DENND2C: variants seen among roughly 807,000 people sequenced by gnomAD.
The protein encoded by DENND2C is DENN domain containing 2C, also known as DENN domain-containing protein 2C.
A neutral mutation model predicts 112.4 loss-of-function variants in DENND2C; 72 were observed. The ratio of observed to expected loss-of-function variants is 0.64; its 90% confidence interval spans 0.53 to 0.78. The LOEUF is 0.78. Among genes scored for constraint, DENND2C ranks in the 30% least tolerant of loss-of-function variants. DENND2C has a pLI of 0.00. For synonymous variants in DENND2C, 329 were observed against 381.6 expected (o/e 0.86, Z 1.61); for missense variants, 992 against 1,113.8 (o/e 0.89, Z 1.56).
At chr1:114,591,411 T>C (rs575951942) in intron 18 of DENND2C, among the ~76,000 whole-genome samples, 1 of 152,360 alleles carries the variant, frequency 6.6e-6, no homozygotes, top group South Asian at 2.1e-4. Flanking sequence ...TTCTTCTTCT[T>C]TGAATGTTTG....
In DENND2C at chr1:114,625,746, C is replaced by T. The variant is rs1656322154; in HGVS notation, c.239G>A (p.Gly80Asp). Reference protein sequence around the residue: ...NLDVTSRENVGLDINENTKSH... With the variant: ...NLDVTSRENVDLDINENTKSH... ...TTTGGTATTTTCATTTATATCTAGA[C>T]CCACATTTTCACGGCTGGTTACATC... is the stretch of plus-strand genomic sequence containing the variant. Residue 80 changes from glycine to aspartate, a missense_variant, in exon 4 of 21, where the codon GGT becomes GAT. This residue lies in a region of DENND2C where 470 missense variants were observed against 472.7 expected (regional missense o/e 0.99). Transcript: ENST00000393274. The T allele has an allele frequency of 2.5e-6, 4 of 1,613,938 alleles. No individual in the cohort carries two copies. The highest frequency in any genetic ancestry group is 1.1e-5 in the South Asian group (1 of 91,080).
In DENND2C at chr1:114,617,657, C is replaced by CAA. The variant is rs34802002; in HGVS notation, c.1324+727_1324+728dup. Reference sequence around the variant, plus strand: ...AAGTTGAGTACCACATACCTTCAGTCAAAAAAAAAAAACCAGATAAATCAA... The same window carrying CAA: ...AAGTTGAGTACCACATACCTTCAGTCAAAAAAAAAAAAAACCAGATAAATCAA... On this transcript the variant is annotated intron_variant, in intron 8 of 20. Coordinates refer to ENST00000393274, the MANE Select transcript of DENND2C (RefSeq NM_001256404.2). 2.8e-3 allele frequency among the ~76,000 whole-genome samples: 330 copies of CAA among 118,684 alleles called. 2 individuals carry two copies. Among genetic ancestry groups the CAA allele is most frequent in the South Asian group, 3.8e-3 (14 of 3,726 alleles). The allele number at this position is 118,684 out of a possible 152,430, so 77.9% of individuals were successfully genotyped here. A position where few individuals can be genotyped will look rare whatever the true frequency, so the allele number is the denominator to read the frequency against.
At chr1:114,604,781 G>A in intron 11 of DENND2C, 141 bp downstream of exon 11, 1 of 616,172 alleles carries the variant, frequency 1.6e-6, no homozygotes, top group Non-Finnish European at 2.8e-6. Flanking sequence ...TTCTAGTTCT[G>A]CTTCTTCCTT....
Position 114,625,578 on chromosome 1 carries a change from G to A in DENND2C, c.407C>T (p.Thr136Ile). 3.7e-6 allele frequency: 6 copies of A among 1,614,102 alleles called. No homozygotes were observed. In the South Asian group the frequency reaches 5.5e-5, roughly 15 times the overall value. Residue 136 changes from threonine to isoleucine, a missense_variant, in exon 4 of 21, where the codon ACT (threonine) becomes ATT (isoleucine). This residue lies in a region of DENND2C where 470 missense variants were observed against 472.7 expected (regional missense o/e 0.99). Coordinates refer to ENST00000393274, the MANE Select transcript of DENND2C (RefSeq NM_001256404.2). The stretch of plus-strand genomic sequence containing the variant: ...ATAGAAGTTTCCTGGAGGTAATGAA[G>A]TCTCTGGATCTAAGACATCTTCTTT... ...SCKEDVLDPETSLPPGNFYTS... is the reference protein window; with the variant it reads ...SCKEDVLDPEISLPPGNFYTS...
intron 2 of DENND2C, among the ~76,000 whole-genome samples, chr1:114,649,996 T>C (rs1266205073): frequency 2.0e-5 from 3 of 152,118 alleles, no homozygotes; most frequent in Non-Finnish European, 4.4e-5. Context: ...CATAATTGTA[T>C]CCTGCTTTTT....
At chr1:114,617,441 G>A (rs1656003533) in intron 8 of DENND2C, among the ~76,000 whole-genome samples, 2 of 152,076 alleles carry the variant, frequency 1.3e-5, no homozygotes, top group Admixed American at 1.3e-4. Context: ...CTCCTGAGTA[G>A]CTGGGATTAT....
In DENND2C at chr1:114,623,646, T is replaced by TA; in HGVS notation, c.807-4dup. ...TATCCTCAAATTCAAAGGATTTCCT[T>TA]AAAAAAGGAGATATATTTTAAAGTT... On this transcript the variant is annotated splice_polypyrimidine_tract_variant and splice_region_variant and intron_variant, in intron 4 of 20. Transcript: ENST00000393274. 6.3e-7 allele frequency: 1 copy of TA among 1,582,936 alleles called. No individual in the cohort carries two copies. The highest frequency in any genetic ancestry group is 1.2e-5 in the South Asian group (1 of 85,014).
At position 114,608,983 on chromosome 1, in the gene DENND2C, TG is replaced by T. The variant is rs1455842622; in HGVS notation, c.1370-111del. ...TAATCTTCACACAGTCACTGCTGAA[TG>T]AATGTTGAATAACCAGCATCTGCCA... On this transcript the variant is annotated intron_variant, in intron 9 of 20. Transcript: ENST00000393274. 11 of 1,175,446 alleles carry T rather than the reference TG, an allele frequency of 9.4e-6. No individual in the cohort carries two copies. In the African/African-American group the frequency reaches 1.7e-4, roughly 18 times the overall value. 72.8% of individuals were successfully genotyped at this position (1,175,446 alleles called of 1,614,324 possible). A position where few individuals can be genotyped will look rare whatever the true frequency, so the allele number is the denominator to read the frequency against.
At chr1:114,645,858 G>C (rs938688444) in intron 2 of DENND2C, among the ~76,000 whole-genome samples, 1 of 151,976 alleles carries the variant, frequency 6.6e-6, no homozygotes, top group African/African-American at 2.4e-5. Context: ...GCAACATTAA[G>C]TAATAATTGA....
chr1:114,612,667 G>A (rs1307514788), intron 8 of DENND2C, among the ~76,000 whole-genome samples: 1 of 152,034 alleles, frequency 6.6e-6, no homozygotes, highest in African/African-American at 2.4e-5. Flanking sequence ...TTACAGGCGT[G>A]TGCCGCCACA....
intron 4 of DENND2C, 46 bp downstream of exon 4, chr1:114,625,133 G>A (rs1443388890): frequency 2.0e-6 from 3 of 1,515,634 alleles, no homozygotes; most frequent in Admixed American, 2.3e-5. Context: ...CAATAATCCT[G>A]TAAGGAAAAT....
rs369531968 is a variant in DENND2C at position 114,611,716 on chromosome 1, G to C, written c.1325-599C>G. 3.9e-4 allele frequency among the ~76,000 whole-genome samples: 59 copies of C among 151,702 alleles called. No homozygotes were observed. In the East Asian group the frequency reaches 4.4e-3, roughly 11 times the overall value. Reference sequence around the variant, plus strand: ...CCCCAATCCGATTTTAAGTATTTTGGGGACAAGGGGCTATCTTGTTTTCCC... The same window carrying C: ...CCCCAATCCGATTTTAAGTATTTTGCGGACAAGGGGCTATCTTGTTTTCCC... On this transcript the variant is annotated intron_variant, in intron 8 of 20. Coordinates refer to ENST00000393274, the MANE Select transcript of DENND2C (RefSeq NM_001256404.2).
intron 1 of DENND2C, among the ~76,000 whole-genome samples, chr1:114,666,643 T>G (rs1267263761): frequency 2.6e-5 from 4 of 151,996 alleles, no homozygotes; most frequent in Non-Finnish European, 5.9e-5. Flanking sequence ...TTAGTAGAGA[T>G]GGGGTTTCGC....
chr1:114,646,383 G>A (rs1656989707), intron 2 of DENND2C, among the ~76,000 whole-genome samples: 1 of 152,060 alleles, frequency 6.6e-6, no homozygotes, highest in African/African-American at 2.4e-5. Context: ...TTTAAGTTTT[G>A]CAACTTTAAA....
At chr1:114,610,470 G>A (rs186724752) in intron 9 of DENND2C, among the ~76,000 whole-genome samples, 1 of 136,814 alleles carries the variant, frequency 7.3e-6, no homozygotes, top group Non-Finnish European at 1.6e-5. Context: ...GGAGGCCAAG[G>A]CAGGCAGATC....
chr1:114,592,938 T>C (rs899727380), intron 18 of DENND2C, among the ~76,000 whole-genome samples: 7 of 152,182 alleles, frequency 4.6e-5, no homozygotes, highest in African/African-American at 1.7e-4. Context: ...TACTCTTCTT[T>C]TCATGAAGTA....
intron 1 of DENND2C, among the ~76,000 whole-genome samples, chr1:114,656,618 G>A (rs1657336535): frequency 1.3e-5 from 2 of 151,574 alleles, no homozygotes; most frequent in African/African-American, 2.4e-5. Flanking sequence ...GGATGGTCTC[G>A]ATCTCCTGAC....
chr1:114,601,726 A>T, intron 12 of DENND2C, 141 bp from the exon 13 acceptor site: 1 of 720,324 alleles, frequency 1.4e-6, no homozygotes, highest in Non-Finnish European at 2.2e-6. Flanking sequence ...ACACTGAAAG[A>T]TGTGAAAAGT....
intron 3 of DENND2C, among the ~76,000 whole-genome samples, chr1:114,636,959 C>T (rs1341416103): frequency 6.6e-6 from 1 of 151,500 alleles, no homozygotes; most frequent in Non-Finnish European, 1.5e-5. Context: ...AAACATGAAA[C>T]ATTGGCCAGG....
Sources: allele counts gnomAD v4.1 joint callset (sites outside exome capture counted in the v4.1 genomes callset), GRCh38; gene constraint gnomAD v4.1.1; regional missense constraint gnomAD v4.1.1; transcripts MANE v1.5; gene names NCBI Gene and HGNC (gene_info 2026-07-23, HGNC 2026-07-21).